MBNL1: variants seen among roughly 807,000 people sequenced by gnomAD.
MBNL1 encodes the protein muscleblind-like protein 1.
A neutral mutation model predicts 42.2 loss-of-function variants in MBNL1; 8 were observed. The observed-to-expected ratio is 0.19, with a 90% CI of 0.11 to 0.34. The LOEUF (loss-of-function observed/expected upper bound fraction) is 0.34. Among genes scored for constraint, MBNL1 ranks in the 10% least tolerant of loss-of-function variants. The probability of loss-of-function intolerance (pLI) is 1.00; values close to 1 mark genes in which losing one functional copy is unlikely to be tolerated. For synonymous variants in MBNL1, 169 were observed against 173.9 expected (o/e 0.97, Z 0.22); for missense variants, 309 against 495.3 (o/e 0.62, Z 3.57).
At chr3:152,314,581 G>T (rs2069407965) in intron 2 of MBNL1, among the ~76,000 whole-genome samples, 1 of 152,078 alleles carries the variant, frequency 6.6e-6, no homozygotes, top group Non-Finnish European at 1.5e-5. Flanking sequence ...CTCCTTGTTG[G>T]TCAGGCTGGT....
intron 2 of MBNL1, among the ~76,000 whole-genome samples, chr3:152,397,785 C>T (rs958662862): frequency 1.3e-5 from 2 of 152,110 alleles, no homozygotes; most frequent in African/African-American, 4.8e-5. Flanking sequence ...CCAATTCACA[C>T]ATGTAGAGAG....
intron 1 of MBNL1, among the ~76,000 whole-genome samples, chr3:152,270,937 A>G (rs2041237223): frequency 1.3e-5 from 2 of 152,182 alleles, no homozygotes; most frequent in Admixed American, 6.5e-5. Context: ...TGGGTCAGCA[A>G]CAGAAAACCT....
intron 2 of MBNL1, among the ~76,000 whole-genome samples, chr3:152,247,439 C>T (rs2033343340): frequency 1.3e-5 from 2 of 151,710 alleles, no homozygotes; most frequent in Admixed American, 1.3e-4. Context: ...GTATCATTTT[C>T]ATGATACATG....
chr3:152,308,638 A>T (rs2064571249), intron 2 of MBNL1, among the ~76,000 whole-genome samples: 2 of 152,042 alleles, frequency 1.3e-5, no homozygotes, highest in South Asian at 2.1e-4. Context: ...TGTTTTTTGA[A>T]TGTAGTGCTC....
At chr3:152,355,219 C>A (rs2095426575) in intron 2 of MBNL1, among the ~76,000 whole-genome samples, 1 of 152,146 alleles carries the variant, frequency 6.6e-6, no homozygotes, top group Non-Finnish European at 1.5e-5. Flanking sequence ...AGCCAGGCTT[C>A]TTACCAGCTT....
chr3:152,448,878 C>G (rs1580707480), intron 6 of MBNL1, among the ~76,000 whole-genome samples: 1 of 152,132 alleles, frequency 6.6e-6, no homozygotes, highest in South Asian at 2.1e-4. Context: ...CTACAATATT[C>G]CACTAGCTGA....
chr3:152,410,229 G>A (rs1179687714), intron 2 of MBNL1, among the ~76,000 whole-genome samples: 1 of 152,030 alleles, frequency 6.6e-6, no homozygotes, highest in East Asian at 1.9e-4. Flanking sequence ...TAATCTAAAT[G>A]TATATTTTCC....
chr3:152,350,808 CTT>C (rs552703569), intron 2 of MBNL1, among the ~76,000 whole-genome samples: 2 of 152,132 alleles, frequency 1.3e-5, no homozygotes, highest in South Asian at 4.1e-4. Context: ...TTTCTTTACT[CTT>C]TTTAAAAATA....
chr3:152,407,945 C>T (rs1030863029), intron 2 of MBNL1, among the ~76,000 whole-genome samples: 36 of 151,968 alleles, frequency 2.4e-4, no homozygotes, highest in Admixed American at 2.2e-3. Context: ...CACCTGGACA[C>T]GAGGGGAACA....
At chr3:152,354,223 G>A (rs1456305033) in intron 2 of MBNL1, among the ~76,000 whole-genome samples, 3 of 152,160 alleles carry the variant, frequency 2.0e-5, no homozygotes, top group Non-Finnish European at 4.4e-5. Flanking sequence ...AGGAGACTGA[G>A]GTGGAAGGAT....
intron 6 of MBNL1, among the ~76,000 whole-genome samples, chr3:152,454,533 T>C (rs1729904983): frequency 6.6e-6 from 1 of 152,342 alleles, no homozygotes; most frequent in East Asian, 1.9e-4. Flanking sequence ...AAGTGCCTTG[T>C]ACTTGGTAAA....
chr3:152,405,192 A>T (rs549267942), intron 2 of MBNL1, among the ~76,000 whole-genome samples: 3 of 152,316 alleles, frequency 2.0e-5, no homozygotes, highest in Non-Finnish European at 4.4e-5. Context: ...GTCAATGATT[A>T]AACAAAAGCA....
At chr3:152,315,914 C>T (rs1356607680) in intron 2 of MBNL1, among the ~76,000 whole-genome samples, 9 of 151,888 alleles carry the variant, frequency 5.9e-5, no homozygotes, top group Non-Finnish European at 8.8e-5. Flanking sequence ...CACACATATG[C>T]GCGCGCACAC....
At chr3:152,318,621 A>G (rs1016551412) in intron 2 of MBNL1, among the ~76,000 whole-genome samples, 4 of 152,182 alleles carry the variant, frequency 2.6e-5, no homozygotes, top group Non-Finnish European at 4.4e-5. Flanking sequence ...TCTTCTAGGT[A>G]GTTTGAAAAG....
chr3:152,346,271 G>A (rs1578372726), intron 2 of MBNL1, among the ~76,000 whole-genome samples: 1 of 152,104 alleles, frequency 6.6e-6, no homozygotes, highest in East Asian at 1.9e-4. Flanking sequence ...AAACTTAGAA[G>A]ATGATCCTCA....
At chr3:152,376,061 A>G (rs2096883590) in intron 2 of MBNL1, among the ~76,000 whole-genome samples, 1 of 152,124 alleles carries the variant, frequency 6.6e-6, no homozygotes, top group East Asian at 1.9e-4. Context: ...ATTTTTCTTT[A>G]TATATTTCTG....
rs1356159102 is a variant in MBNL1, at chr3:152,438,159, AAG to A, written c.549+5241_549+5242del. Among the ~76,000 whole-genome samples, 4 of 152,188 alleles carry A rather than the reference AAG, an allele frequency of 2.6e-5. No homozygotes were observed. In the East Asian group the frequency reaches 7.7e-4, roughly 29 times the overall value. ...GCACAGTAATTTTTTATGGTGCAAA[AAG>A]AATTCATGAATGCATTCATTCTCTC... On this transcript the variant is annotated intron_variant, in intron 4 of 9. Transcript: ENST00000324210.
intron 1 of MBNL1, among the ~76,000 whole-genome samples, chr3:152,271,167 A>G (rs2041507617): frequency 6.6e-6 from 1 of 152,180 alleles, no homozygotes; most frequent in Non-Finnish European, 1.5e-5. Context: ...TTGTGTTTAC[A>G]TTTCCACATT....
chr3:152,271,726 C>G (rs1327119366), intron 1 of MBNL1, among the ~76,000 whole-genome samples: 1 of 152,036 alleles, frequency 6.6e-6, no homozygotes, highest in African/African-American at 2.4e-5. Flanking sequence ...ATCCCATCAA[C>G]CATATGGATC....
Sources: allele counts gnomAD v4.1 joint callset (sites outside exome capture counted in the v4.1 genomes callset), GRCh38; gene constraint gnomAD v4.1.1; transcripts MANE v1.5; gene names NCBI Gene and HGNC (gene_info 2026-07-23, HGNC 2026-07-21).